LRP1B: variants seen among roughly 807,000 people sequenced by gnomAD.
LRP1B encodes low-density lipoprotein receptor-related protein 1B.
A neutral mutation model predicts 556.6 loss-of-function variants in LRP1B; 217 were observed. That is an observed-to-expected ratio of 0.39 (90% CI 0.35 to 0.44). LRP1B has a LOEUF of 0.44. Among genes scored for constraint, LRP1B ranks in the 20% least tolerant of loss-of-function variants. The pLI is 1.00. For missense variants in LRP1B, 5,053 were observed against 5,620.8 expected (o/e 0.90, Z 3.23); for synonymous variants, 2,047 against 1,865.8 (o/e 1.10, Z -2.50).
At chr2:141,739,774 C>T (rs951508136) in intron 2 of LRP1B, among the ~76,000 whole-genome samples, 4 of 151,766 alleles carry the variant, frequency 2.6e-5, no homozygotes, top group African/African-American at 9.7e-5. Context: ...GGTATTCACC[C>T]ACATGCATGG....
chr2:140,927,527 C>T (rs192698256), intron 20 of LRP1B, among the ~76,000 whole-genome samples: 66 of 152,082 alleles, frequency 4.3e-4, no homozygotes, highest in Non-Finnish European at 8.4e-4. Context: ...ATATAATAAT[C>T]AAAAAGCATT....
At chr2:140,549,278 G>T (rs551267661) in intron 43 of LRP1B, among the ~76,000 whole-genome samples, 3 of 152,170 alleles carry the variant, frequency 2.0e-5, no homozygotes, top group Non-Finnish European at 4.4e-5. Flanking sequence ...GGGTAGCTGA[G>T]AATTTTAAAA....
intron 66 of LRP1B, among the ~76,000 whole-genome samples, chr2:140,400,740 C>A (rs1684461086): frequency 6.6e-6 from 1 of 151,912 alleles, no homozygotes; most frequent in Admixed American, 6.6e-5. Flanking sequence ...AACCACAGAC[C>A]CTTTGAAAGA....
At chr2:141,925,408 G>A (rs1321688346) in intron 1 of LRP1B, among the ~76,000 whole-genome samples, 1 of 152,146 alleles carries the variant, frequency 6.6e-6, no homozygotes, top group Non-Finnish European at 1.5e-5. Context: ...ATGCCTCTAT[G>A]ACAACATTGC....
At chr2:140,541,131 A>G in intron 44 of LRP1B, 33 bp from the exon 45 acceptor site, 3 of 1,557,040 alleles carry the variant, frequency 1.9e-6, no homozygotes, top group Non-Finnish European at 2.6e-6. Flanking sequence ...GTAACATTTT[A>G]TATCGAATTC....
At chr2:141,256,772 A>C (rs1006369857) in intron 3 of LRP1B, among the ~76,000 whole-genome samples, 2 of 152,086 alleles carry the variant, frequency 1.3e-5, no homozygotes, top group Non-Finnish European at 2.9e-5. Flanking sequence ...TTGACAACAT[A>C]ATAGCCAGGG....
rs1686649740 is a variant in LRP1B, at chr2:140,701,755, C to T, written c.6393G>A (p.Lys2131=). Reference sequence around the variant, plus strand: ...TTACTCGGTTAAATATTTTAACCTCCTTCAGGTTGACTCCAAGGCCGGTTC... The same window carrying T: ...TTACTCGGTTAAATATTTTAACCTCTTTCAGGTTGACTCCAAGGCCGGTTC... ...TMRTGLGVNL[K]EVKIFNRVRE... The change falls in exon 40 of 91, where the codon AAG becomes AAA. Residue 2131 remains lysine (K), a synonymous_variant. Transcript: ENST00000389484. 6.2e-7 allele frequency: 1 copy of T among 1,612,916 alleles called. No individual in the cohort carries two copies. Among genetic ancestry groups the T allele is most frequent in the Non-Finnish European group, 8.5e-7 (1 of 1,179,254 alleles).
At chr2:142,094,267 TCC>T (rs1312217466) in intron 1 of LRP1B, among the ~76,000 whole-genome samples, 1 of 152,082 alleles carries the variant, frequency 6.6e-6, no homozygotes, top group East Asian at 1.9e-4. Context: ...TGATTTAAAT[TCC>T]TTTTCAATAA....
chr2:141,474,024 C>CTTCCTTCCTTCCTTCCTTCCTTCCTTCCT (rs1559091357), intron 3 of LRP1B, among the ~76,000 whole-genome samples: 1 of 137,066 alleles, frequency 7.3e-6, no homozygotes, highest in Admixed American at 7.2e-5. Context: ...TCCTTCCTTC[C>CTTCCTTCCTTCCTTCCTTCCTTCCTTCCT]TTCCTTCCTT....
At chr2:140,671,480 C>T (rs1178578591) in intron 41 of LRP1B, among the ~76,000 whole-genome samples, 2 of 152,198 alleles carry the variant, frequency 1.3e-5, no homozygotes, top group Non-Finnish European at 2.9e-5. Flanking sequence ...AAGATAGCGC[C>T]ATTGCAGTCT....
At chr2:141,432,321 T>G (rs1417058983) in intron 3 of LRP1B, among the ~76,000 whole-genome samples, 1 of 152,134 alleles carries the variant, frequency 6.6e-6, no homozygotes, top group Non-Finnish European at 1.5e-5. Context: ...CTATGTTATA[T>G]GTCGTTAGCT....
intron 59 of LRP1B, among the ~76,000 whole-genome samples, chr2:140,482,994 G>A (rs982379120): frequency 1.3e-5 from 2 of 151,982 alleles, no homozygotes; most frequent in Non-Finnish European, 2.9e-5. Flanking sequence ...TACAGTTATG[G>A]CATTTTCACC....
intron 1 of LRP1B, among the ~76,000 whole-genome samples, chr2:141,831,219 A>G (rs151288729): frequency 6.6e-5 from 10 of 151,738 alleles, no homozygotes; most frequent in Non-Finnish European, 1.3e-4. Flanking sequence ...TAGTCACTTT[A>G]TATATATAAA....
chr2:141,309,713 G>T (rs961035749), intron 3 of LRP1B, among the ~76,000 whole-genome samples: 1 of 152,102 alleles, frequency 6.6e-6, no homozygotes, highest in Non-Finnish European at 1.5e-5. Flanking sequence ...GGGCCAGTTC[G>T]GGGGTAGAGG....
intron 1 of LRP1B, among the ~76,000 whole-genome samples, chr2:141,849,077 C>T (rs1697754047): frequency 1.3e-5 from 2 of 151,634 alleles, no homozygotes; most frequent in South Asian, 4.1e-4. Flanking sequence ...ACAAAATCAA[C>T]ATGCTAAACA....
rs186675855 is a variant in LRP1B at position 140,539,221 on chromosome 2, C to A, written c.7513+1752G>T. Among the ~76,000 whole-genome samples, 3 of 152,200 alleles carry A rather than the reference C, an allele frequency of 2.0e-5. No homozygotes were observed. The East Asian group carries it at 5.8e-4, about 29-fold the overall frequency. The stretch of plus-strand genomic sequence containing the variant: ...GGTGTTAGTACATGGCCTTTCACCC[C>A]TTTAATGCTGCCATTAACATTCATG... On this transcript the variant is annotated intron_variant, in intron 45 of 90. Transcript: ENST00000389484.
At chr2:140,838,588 C>T (rs1691995590) in intron 31 of LRP1B, among the ~76,000 whole-genome samples, 1 of 151,704 alleles carries the variant, frequency 6.6e-6, no homozygotes, top group Non-Finnish European at 1.5e-5. Context: ...TCAAGTAGCC[C>T]TAAATTTCTA....
chr2:141,692,348 G>A (rs576266627), intron 2 of LRP1B, among the ~76,000 whole-genome samples: 6 of 151,988 alleles, frequency 3.9e-5, no homozygotes, highest in African/African-American at 7.2e-5. Context: ...ATTCAAGTAC[G>A]CTAAACTACT....
At chr2:141,072,591 A>C (rs1273252820) in intron 7 of LRP1B, among the ~76,000 whole-genome samples, 1 of 151,912 alleles carries the variant, frequency 6.6e-6, no homozygotes, top group South Asian at 2.1e-4. Context: ...CTGTCTGTTT[A>C]CTATCAGTCT....
Sources: allele counts gnomAD v4.1 joint callset (sites outside exome capture counted in the v4.1 genomes callset), GRCh38; gene constraint gnomAD v4.1.1; transcripts MANE v1.5; gene names NCBI Gene and HGNC (gene_info 2026-07-23, HGNC 2026-07-21).